The following FRMPD4 variants were observed in gnomAD, a reference collection of about 807,000 sequenced individuals.
The protein encoded by FRMPD4 is FERM and PDZ domain-containing protein 4.
In FRMPD4, 22 loss-of-function variants were observed where a neutral mutation model predicts 94.1. The ratio of observed to expected loss-of-function variants is 0.23; its 90% CI spans 0.17 to 0.33. The LOEUF (loss-of-function observed/expected upper bound fraction) is 0.33, where lower values mean the gene tolerates loss of function less well. Ranked by LOEUF, FRMPD4 falls within the 10% of genes least tolerant of loss-of-function variation. The pLI is 1.00. For missense variants in FRMPD4, 1,111 were observed against 1,339.9 expected, an observed-to-expected ratio of 0.83 and a Z score of 2.67; for synonymous variants, 631 against 548.6, an observed-to-expected ratio of 1.15 and a Z score of -2.10.
At chrX:12,545,694 T>C (rs1303371349) in intron 2 of FRMPD4, among the ~76,000 whole-genome samples, 1 of 112,892 alleles carries the variant, frequency 8.9e-6, no homozygotes, top group African/African-American at 3.2e-5. Flanking sequence ...TTTTGGCTTA[T>C]TTTAGAAAGA....
chrX:12,154,270 G>A (rs187627479), intron 1 of FRMPD4, among the ~76,000 whole-genome samples: 14 of 113,029 alleles, frequency 1.2e-4, no homozygotes, highest in African/African-American at 4.5e-4. Flanking sequence ...AATTTGAATA[G>A]GAATTGTGTT....
At chrX:12,341,137 T>G (rs1274556188) in intron 1 of FRMPD4, among the ~76,000 whole-genome samples, 1 of 112,274 alleles carries the variant, frequency 8.9e-6, no homozygotes, top group Non-Finnish European at 1.9e-5. Context: ...TTTGAGGCCA[T>G]GATGTTTCAA....
At chrX:12,290,631 A>G (rs956679976) in intron 1 of FRMPD4, among the ~76,000 whole-genome samples, 13 of 112,252 alleles carry the variant, frequency 1.2e-4, no homozygotes, top group African/African-American at 4.2e-4. Flanking sequence ...TGAGAGACAC[A>G]CATGTATTTT....
intron 1 of FRMPD4, among the ~76,000 whole-genome samples, chrX:12,166,003 C>T (rs1203604042): frequency 8.9e-6 from 1 of 111,844 alleles, no homozygotes; most frequent in African/African-American, 3.3e-5. Context: ...CAAACAGGGA[C>T]AATTTGACTT....
intron 1 of FRMPD4, among the ~76,000 whole-genome samples, chrX:11,849,178 A>T (rs2053604756): frequency 8.9e-6 from 1 of 111,920 alleles, no homozygotes; most frequent in African/African-American, 3.2e-5. Context: ...CCTGAAAAGG[A>T]AATTTAGAAA....
At chrX:12,709,902 C>A (rs767253046) in intron 13 of FRMPD4, among the ~76,000 whole-genome samples, 2 of 110,955 alleles carry the variant, frequency 1.8e-5, no homozygotes, top group East Asian at 2.8e-4. Context: ...CTGAGGTGGG[C>A]GGATCATTTG....
chrX:12,691,931 T>G (rs2060084358), intron 8 of FRMPD4, among the ~76,000 whole-genome samples: 2 of 110,922 alleles, frequency 1.8e-5, no homozygotes, highest in South Asian at 7.9e-4. Flanking sequence ...CCTTGTGCTA[T>G]CGAATGGTCA....
chrX:12,049,592 T>C (rs1315534111), intron 3 of FRMPD4, among the ~76,000 whole-genome samples: 1 of 111,887 alleles, frequency 8.9e-6, no homozygotes, highest in East Asian at 2.8e-4. Flanking sequence ...GAAAAATTCC[T>C]GTTGCCTAGT....
chrX:12,565,884 A>G lies in FRMPD4; in HGVS notation c.159-43837A>G, dbSNP rs187651321. 2.9e-3 allele frequency among the ~76,000 whole-genome samples: 322 copies of G among 111,994 alleles called. 5 individuals carry two copies. Among genetic ancestry groups the G allele is most frequent in the Admixed American group, 0.028 (294 of 10,566 alleles). On this transcript the variant is annotated intron_variant, in intron 2 of 16. Transcript: ENST00000675598. ...ATCTTTGCAACTTTTGTACAAATCT[A>G]AATTTTCCATAATAAAAAGTTTACT... is the stretch of plus-strand genomic sequence containing the variant.
chrX:12,128,456 C>G (rs771881769), intron 3 of FRMPD4, among the ~76,000 whole-genome samples: 17 of 111,959 alleles, frequency 1.5e-4, no homozygotes, highest in Non-Finnish European at 3.2e-4. Context: ...AGCAGAGGGG[C>G]CTGGGGTCCT....
At chrX:11,943,137 C>T (rs1005950665) in intron 3 of FRMPD4, among the ~76,000 whole-genome samples, 9 of 111,481 alleles carry the variant, frequency 8.1e-5, no homozygotes, top group South Asian at 3.8e-4. Context: ...CAGAAATGAG[C>T]GTTGGAATAC....
chrX:12,081,416 A>C (rs2055060867), intron 3 of FRMPD4, among the ~76,000 whole-genome samples: 1 of 111,690 alleles, frequency 9.0e-6, no homozygotes, highest in Non-Finnish European at 1.9e-5. Context: ...TGGTTTTATC[A>C]GTGGTGAACT....
At chrX:11,828,158 C>G (rs759410804) in intron 1 of FRMPD4, among the ~76,000 whole-genome samples, 1 of 112,212 alleles carries the variant, frequency 8.9e-6, no homozygotes. Flanking sequence ...CCAGGAGTAT[C>G]TAAAATGTTC....
intron 1 of FRMPD4, among the ~76,000 whole-genome samples, chrX:11,824,728 C>G (rs937484854): frequency 9.0e-6 from 1 of 111,154 alleles, no homozygotes; most frequent in Admixed American, 9.6e-5. Context: ...ATGCTGGGTC[C>G]CAAATGTCTA....
intron 3 of FRMPD4, among the ~76,000 whole-genome samples, chrX:12,009,169 A>C (rs1046038889): frequency 9.8e-5 from 11 of 112,127 alleles, no homozygotes; most frequent in African/African-American, 3.6e-4. Context: ...CAAAAAGGAA[A>C]CTAGTAACTA....
chrX:12,360,902 C>G lies in FRMPD4; in HGVS notation c.42-137778C>G, dbSNP rs138234437. On this transcript the variant is annotated intron_variant, in intron 1 of 16. Coordinates refer to ENST00000675598, the MANE Select transcript of FRMPD4 (RefSeq NM_001368397.1). ...TCACTTGGGAGAAACTCAGAGACAT[C>G]TGTAGCTTCTTGTATTCTATGGCTT... is the stretch of plus-strand genomic sequence containing the variant. Among the ~76,000 whole-genome samples, 1,258 of 104,271 alleles carry G rather than the reference C, an allele frequency of 0.012. 38 individuals carry two copies. In the East Asian group the frequency reaches 0.14, roughly 12 times the overall value. 90.5% of individuals were successfully genotyped at this position (104,271 alleles called of 115,157 possible).
intron 2 of FRMPD4, among the ~76,000 whole-genome samples, chrX:12,510,830 G>T (rs1354057875): frequency 8.9e-6 from 1 of 111,928 alleles, no homozygotes; most frequent in Admixed American, 9.5e-5. Context: ...CTAGTCTGGA[G>T]GCTGTCTAAG....
At chrX:12,469,668 A>G (rs2057487993) in intron 1 of FRMPD4, among the ~76,000 whole-genome samples, 1 of 112,334 alleles carries the variant, frequency 8.9e-6, no homozygotes, top group Non-Finnish European at 1.9e-5. Context: ...TACCTTCTTG[A>G]AGTTAAGCAC....
At chrX:12,197,033 T>C (rs1286882535) in intron 1 of FRMPD4, among the ~76,000 whole-genome samples, 1 of 111,892 alleles carries the variant, frequency 8.9e-6, no homozygotes, top group Non-Finnish European at 1.9e-5. Flanking sequence ...CATAGTACAG[T>C]TTAACAAAAA....
Sources: gnomAD v4.1 joint callset for allele counts (sites outside exome capture counted in the v4.1 genomes callset) on GRCh38, gnomAD v4.1.1 for gene constraint, MANE v1.5 for transcripts, NCBI Gene and HGNC (gene_info 2026-07-23, HGNC 2026-07-21) for gene names.